Variants in COLEC10 observed in about 807,000 individuals in gnomAD.
COLEC10 encodes the protein collectin subfamily member 10.
COLEC10 carries 22 observed loss-of-function variants against 28.4 expected under a neutral mutation model. The ratio of observed to expected loss-of-function variants is 0.78; its 90% CI spans 0.55 to 1.11. COLEC10 has a LOEUF of 1.11. COLEC10 is among the 50% of genes least tolerant of loss of function. The probability of loss-of-function intolerance (pLI) is 0.00; values close to 1 mark genes in which losing one functional copy is unlikely to be tolerated. For synonymous variants in COLEC10, 125 were observed against 116.1 expected (o/e 1.08, Z -0.49); for missense variants, 361 against 344.1 (o/e 1.05, Z -0.39).
the COLEC10 span, among the ~76,000 whole-genome samples, chr8:118,976,895 A>G: frequency 6.6e-6 from 1 of 151,998 alleles, no homozygotes; most frequent in Non-Finnish European, 1.5e-5. Flanking sequence ...ACTCAAACAA[A>G]TTTACAAGAA....
rs1341212577 is a variant in COLEC10 at position 119,019,696 on chromosome 8, C to T, written n.235+10143C>T. Among the ~76,000 whole-genome samples, 4 of 152,180 alleles carry T rather than the reference C, an allele frequency of 2.6e-5. No homozygotes were observed. The East Asian group carries it at 7.7e-4, about 29-fold the overall frequency. ...CACTCCTTACTCTAACCAGATTCCACAGCAATTGCATTTTTAATGCATGCC... is the reference window on the plus strand; with the variant it reads ...CACTCCTTACTCTAACCAGATTCCATAGCAATTGCATTTTTAATGCATGCC... On this transcript the variant is annotated intron_variant and non_coding_transcript_variant, in intron 2 of 6. Coordinates refer to the COLEC10 transcript ENST00000521788.
chr8:119,022,985 C>A (rs1357765068), intron 2 of COLEC10, among the ~76,000 whole-genome samples: 2 of 152,092 alleles, frequency 1.3e-5, no homozygotes, highest in Non-Finnish European at 2.9e-5. Context: ...GTTGGAGAGT[C>A]TTTGCACTGC....
rs570551926 is a variant in COLEC10, at chr8:119,070,237, T to C, written c.148+2808T>C. On this transcript the variant is annotated intron_variant, in intron 1 of 5. Transcript: ENST00000332843. ...CTCTTTTAAGAATTATGATAACCAATGTGAACTTTAAGCTGTACAGACATC... is the reference window on the plus strand; with the variant it reads ...CTCTTTTAAGAATTATGATAACCAACGTGAACTTTAAGCTGTACAGACATC... 2.6e-5 allele frequency among the ~76,000 whole-genome samples: 4 copies of C among 152,296 alleles called. No individual in the cohort carries two copies. The South Asian group carries it at 8.3e-4, about 32-fold the overall frequency.
At chr8:118,954,183 G>T in the COLEC10 span, among the ~76,000 whole-genome samples, 4 of 152,324 alleles carry the variant, frequency 2.6e-5, no homozygotes, top group South Asian at 8.3e-4. Flanking sequence ...GGATTCAGGG[G>T]ATTGGTAATT....
chr8:119,066,020 A>G (rs983916885), upstream of COLEC10, among the ~76,000 whole-genome samples: 4 of 152,270 alleles, frequency 2.6e-5, no homozygotes, highest in South Asian at 2.1e-4. Context: ...CCGCTGGTGT[A>G]AGCCACTCAG....
At chr8:118,993,975 G>T (rs1813548387), upstream of COLEC10, among the ~76,000 whole-genome samples, 2 of 152,248 alleles carry the variant, frequency 1.3e-5, no homozygotes, top group African/African-American at 4.8e-5. Context: ...GTGTCTAATA[G>T]CTAGGACTTG....
upstream of COLEC10, among the ~76,000 whole-genome samples, chr8:118,995,196 T>C (rs1253979601): frequency 6.6e-6 from 1 of 152,192 alleles, no homozygotes; most frequent in Non-Finnish European, 1.5e-5. Context: ...AGCAAAGGTG[T>C]AGGTCTTTCC....
At chr8:118,990,244 A>T in the COLEC10 span, among the ~76,000 whole-genome samples, 1 of 152,104 alleles carries the variant, frequency 6.6e-6, no homozygotes, top group South Asian at 2.1e-4. Flanking sequence ...AAAACAACAT[A>T]TTTTCTTACA....
chr8:119,002,400 G>A (rs1365972181), intron 1 of COLEC10, among the ~76,000 whole-genome samples: 2 of 151,984 alleles, frequency 1.3e-5, no homozygotes, highest in Non-Finnish European at 2.9e-5. Flanking sequence ...ATTATTAAAA[G>A]CTAGGTTTCA....
intron 2 of COLEC10, among the ~76,000 whole-genome samples, chr8:119,017,416 G>A (rs1480304207): frequency 6.6e-6 from 1 of 152,138 alleles, no homozygotes; most frequent in Non-Finnish European, 1.5e-5. Flanking sequence ...TTTTTAGAGA[G>A]CCAGATAGTA....
intron 1 of COLEC10, among the ~76,000 whole-genome samples, chr8:119,079,038 CACACA>C (rs1815313633): frequency 2.7e-5 from 3 of 112,762 alleles, no homozygotes; most frequent in Admixed American, 8.7e-5. Context: ...CACACACACA[CACACA>C]CCAACCAGGA....
chr8:119,016,681 A>G (rs901650482), intron 2 of COLEC10, among the ~76,000 whole-genome samples: 7 of 151,692 alleles, frequency 4.6e-5, no homozygotes, highest in Non-Finnish European at 1.0e-4. Flanking sequence ...CCTTGCCAGC[A>G]TCTGTTGTTT....
At chr8:119,061,502 G>A (rs903801635) in intron 2 of COLEC10, among the ~76,000 whole-genome samples, 35 of 150,910 alleles carry the variant, frequency 2.3e-4, no homozygotes, top group African/African-American at 8.5e-4. Context: ...TATAGAAAGT[G>A]TAGAAAATGT....
the COLEC10 span, among the ~76,000 whole-genome samples, chr8:118,984,376 A>G: frequency 6.6e-6 from 1 of 152,082 alleles, no homozygotes; most frequent in Non-Finnish European, 1.5e-5. Context: ...AAAAACAACT[A>G]TTGCGTACTA....
chr8:119,017,200 G>C (rs574388950), intron 2 of COLEC10, among the ~76,000 whole-genome samples: 6 of 152,194 alleles, frequency 3.9e-5, no homozygotes, highest in African/African-American at 1.4e-4. Context: ...ATATTGCTAG[G>C]GATTAGTAGA....
chr8:118,952,904 T>C, the COLEC10 span, among the ~76,000 whole-genome samples: 2 of 152,294 alleles, frequency 1.3e-5, no homozygotes, highest in Admixed American at 1.3e-4. Flanking sequence ...AGTTCGCGGG[T>C]TGCCACTGAA....
At chr8:119,041,956 G>T (rs1308558151) in intron 2 of COLEC10, among the ~76,000 whole-genome samples, 1 of 152,030 alleles carries the variant, frequency 6.6e-6, no homozygotes, top group Non-Finnish European at 1.5e-5. Flanking sequence ...TATAGATTGG[G>T]ATATGAAATA....
At chr8:119,081,915 A>G (rs897067803) in intron 1 of COLEC10, among the ~76,000 whole-genome samples, 12 of 152,198 alleles carry the variant, frequency 7.9e-5, no homozygotes, top group African/African-American at 2.7e-4. Context: ...AAGGAAACCA[A>G]TATTTCAAGA....
the COLEC10 span, among the ~76,000 whole-genome samples, chr8:118,968,702 C>T: frequency 6.6e-6 from 1 of 151,750 alleles, no homozygotes; most frequent in African/African-American, 2.4e-5. Context: ...TATACATGTG[C>T]CATGGTGGTT....
Sources: allele counts gnomAD v4.1 joint callset (sites outside exome capture counted in the v4.1 genomes callset), GRCh38; gene constraint gnomAD v4.1.1; transcripts MANE v1.5; gene names NCBI Gene and HGNC (gene_info 2026-07-23, HGNC 2026-07-21).